Variants in UGT1A10 observed in about 807,000 individuals in gnomAD.
The protein encoded by UGT1A10 is UDP-glucuronosyltransferase 1A10.
A neutral mutation model predicts 45.8 loss-of-function variants in UGT1A10; 49 were observed. That is an observed-to-expected ratio of 1.07 (90% CI 0.85 to 1.36). The LOEUF (loss-of-function observed/expected upper bound fraction) is 1.36. UGT1A10 is among the 40% of genes most tolerant of loss of function. UGT1A10 has a pLI of 0.00. For synonymous variants in UGT1A10, 284 were observed against 249.7 expected (o/e 1.14, Z -1.29); for missense variants, 745 against 668.6 (o/e 1.11, Z -1.26).
At chr2:233,768,058 C>A in intron 3 of UGT1A10, 122 bp downstream of exon 3, 3 of 1,601,872 alleles carry the variant, frequency 1.9e-6, no homozygotes, top group Non-Finnish European at 2.6e-6. Context: ...TCCTACATTG[C>A]TTTTTATCTA....
intron 1 of UGT1A10, chr2:233,691,521 A>G (rs965532552): frequency 1.0e-6 from 1 of 985,728 alleles, no homozygotes; most frequent in Non-Finnish European, 1.2e-6. Flanking sequence ...CCAGGTGTGC[A>G]TGACTAGCTC....
rs2076494681 is a variant in UGT1A10, at chr2:233,716,255, T to A, written c.856-50779T>A. Among the ~76,000 whole-genome samples, 5 of 152,210 alleles carry A rather than the reference T, an allele frequency of 3.3e-5. No homozygotes were observed. The South Asian group carries it at 1.0e-3, about 32-fold the overall frequency. On this transcript the variant is annotated intron_variant, in intron 1 of 4. Transcript: ENST00000344644. ...CATTGTCCTGCCCGGACATCCAGCA[T>A]AATCTCCCCATGTCAAAACCCTTAA...
intron 2 of UGT1A10, 73 bp from the exon 3 acceptor site, chr2:233,767,776 G>A: frequency 1.2e-6 from 2 of 1,612,490 alleles, no homozygotes; most frequent in Admixed American, 1.7e-5. Context: ...CTGTTTTCTA[G>A]TTAGTATAGC....
intron 1 of UGT1A10, among the ~76,000 whole-genome samples, chr2:233,659,674 G>A (rs1051732962): frequency 1.3e-5 from 2 of 152,060 alleles, no homozygotes; most frequent in African/African-American, 4.8e-5. Flanking sequence ...TTAACTTAAT[G>A]GAAATACATC....
At chr2:233,656,947 A>T (rs2073868446) in intron 1 of UGT1A10, among the ~76,000 whole-genome samples, 1 of 149,454 alleles carries the variant, frequency 6.7e-6, no homozygotes, top group African/African-American at 2.5e-5. Context: ...CTTTCCTGTG[A>T]GTCTTCCTGA....
chr2:233,772,832 C>A lies in UGT1A10; in HGVS notation c.*273C>A. ...GAGGACGTGCAGACAGGCTGGCATT[C>A]TAGATTACTTTTCTTACTCTGAAAC... On this transcript the variant is annotated 3_prime_UTR_variant, in exon 5 of 5. Coordinates refer to ENST00000344644, the MANE Select transcript of UGT1A10 (RefSeq NM_019075.4). 1 of 899,518 alleles carries A rather than the reference C, an allele frequency of 1.1e-6. No homozygotes were observed. Among genetic ancestry groups the A allele is most frequent in the Non-Finnish European group, 1.5e-6 (1 of 646,888 alleles). The allele number at this position is 899,518 out of a possible 1,614,324, so 55.7% of individuals were successfully genotyped here.
rs566254737 is a variant in UGT1A10, at chr2:233,705,102, C to T, written c.856-61932C>T. 1.4e-4 allele frequency among the ~76,000 whole-genome samples: 21 copies of T among 150,040 alleles called. No homozygotes were observed. In the East Asian group the frequency reaches 3.3e-3, roughly 24 times the overall value. On this transcript the variant is annotated intron_variant, in intron 1 of 4. Transcript: ENST00000344644. ...AGAGAGCCAAGATCGTGCCATTGCA[C>T]GCCAGCCTGGGGGACAAGAGCGAGA...
At chr2:233,766,252 C>T (rs1204251588) in intron 1 of UGT1A10, among the ~76,000 whole-genome samples, 7 of 151,626 alleles carry the variant, frequency 4.6e-5, no homozygotes, top group South Asian at 2.1e-4. Flanking sequence ...GGAGTCAGAC[C>T]GCTCAGTGGC....
intron 1 of UGT1A10, among the ~76,000 whole-genome samples, chr2:233,656,691 A>G (rs2073860521): frequency 6.6e-6 from 1 of 152,098 alleles, no homozygotes; most frequent in South Asian, 2.1e-4. Flanking sequence ...TTTAAACCAC[A>G]AAAGGGAGGG....
intron 1 of UGT1A10, among the ~76,000 whole-genome samples, chr2:233,687,245 A>G (rs991144087): frequency 6.6e-6 from 1 of 152,186 alleles, no homozygotes; most frequent in Non-Finnish European, 1.5e-5. Flanking sequence ...CCTCCACAAG[A>G]TTAATGATCT....
At chr2:233,739,594 G>T (rs1253560976) in intron 1 of UGT1A10, among the ~76,000 whole-genome samples, 1 of 152,200 alleles carries the variant, frequency 6.6e-6, no homozygotes, top group East Asian at 1.9e-4. Flanking sequence ...GGGGCCTATA[G>T]CCCCTTTGTT....
chr2:233,668,371 C>G (rs973670613), intron 1 of UGT1A10, among the ~76,000 whole-genome samples: 2 of 152,194 alleles, frequency 1.3e-5, no homozygotes, highest in African/African-American at 4.8e-5. Context: ...CATGTCGCTA[C>G]AAAGGACATG....
At chr2:233,700,879 C>A (rs1034154232) in intron 1 of UGT1A10, among the ~76,000 whole-genome samples, 1 of 152,082 alleles carries the variant, frequency 6.6e-6, no homozygotes, top group African/African-American at 2.4e-5. Context: ...CTCCTCCCCC[C>A]ACCCCACAAC....
intron 1 of UGT1A10, among the ~76,000 whole-genome samples, chr2:233,680,676 G>A (rs2074494293): frequency 3.3e-5 from 5 of 151,972 alleles, no homozygotes; most frequent in Admixed American, 3.3e-4. Context: ...TGGGTGCTGT[G>A]GAAGGAGGAT....
chr2:233,744,616 T>C (rs1359252555), intron 1 of UGT1A10, among the ~76,000 whole-genome samples: 1 of 151,926 alleles, frequency 6.6e-6, no homozygotes, highest in Non-Finnish European at 1.5e-5. Context: ...CTTGGCTCTA[T>C]AGAGAGGTGG....
At chr2:233,736,111 A>G (rs1342253257) in intron 1 of UGT1A10, among the ~76,000 whole-genome samples, 1 of 152,176 alleles carries the variant, frequency 6.6e-6, no homozygotes, top group East Asian at 1.9e-4. Flanking sequence ...GTGTTTTCCA[A>G]CTTGTTTCCA....
chr2:233,707,436 T>G (rs186781639), intron 1 of UGT1A10, among the ~76,000 whole-genome samples: 70 of 152,298 alleles, frequency 4.6e-4, no homozygotes, highest in Non-Finnish European at 8.1e-4. Context: ...TGCTTTTCTT[T>G]ACAATTTTGC....
chr2:233,646,928 CT>C (rs1359208297), intron 1 of UGT1A10, among the ~76,000 whole-genome samples: 3 of 152,160 alleles, frequency 2.0e-5, no homozygotes, highest in Non-Finnish European at 1.5e-5. Flanking sequence ...TTTCATGCTG[CT>C]GATAAAGACA....
chr2:233,764,085 G>T (rs1214257017), intron 1 of UGT1A10, among the ~76,000 whole-genome samples: 1 of 152,154 alleles, frequency 6.6e-6, no homozygotes, highest in African/African-American at 2.4e-5. Flanking sequence ...CTAATTAAAA[G>T]CCTAAACTAA....
Sources: gnomAD v4.1 joint callset for allele counts (sites outside exome capture counted in the v4.1 genomes callset) on GRCh38, gnomAD v4.1.1 for gene constraint, MANE v1.5 for transcripts, NCBI Gene and HGNC (gene_info 2026-07-23, HGNC 2026-07-21) for gene names.